The following VCAN variants were observed in gnomAD, a reference collection of about 807,000 sequenced individuals.
VCAN encodes versican, also known as versican core protein.
A neutral mutation model predicts 245.5 loss-of-function variants in VCAN; 44 were observed. That is an observed-to-expected ratio of 0.18 (90% CI 0.14 to 0.23). The LOEUF (loss-of-function observed/expected upper bound fraction) is 0.23. Among genes scored for constraint, VCAN ranks in the 10% least tolerant of loss-of-function variants. The probability of loss-of-function intolerance (pLI) is 1.00; values close to 1 mark genes in which losing one functional copy is unlikely to be tolerated. For synonymous variants in VCAN, 1,413 were observed against 1,437.0 expected, an observed-to-expected ratio of 0.98 and a Z score of 0.38; for missense variants, 3,793 against 4,057.9, an observed-to-expected ratio of 0.93 and a Z score of 1.77.
intron 12 of VCAN, among the ~76,000 whole-genome samples, chr5:83,558,215 T>C (rs1037073450): frequency 6.6e-6 from 1 of 152,178 alleles, no homozygotes; most frequent in Non-Finnish European, 1.5e-5. Flanking sequence ...GGGTTCCATA[T>C]GTGTGCAGGC....
Position 83,566,049 on chromosome 5 carries a change from C to T in VCAN, c.9736-6367C>T, listed in dbSNP as rs753111005. Among the ~76,000 whole-genome samples, 11 of 48,534 alleles carry T rather than the reference C, an allele frequency of 2.3e-4. 1 individual carries two copies. The highest frequency in any genetic ancestry group is 1.4e-3 in the South Asian group (2 of 1,408). The allele number at this position is 48,534 out of a possible 152,430, so 31.8% of individuals were successfully genotyped here. ...CGTGATCTTTGCTCACTGCAACCTC[C>T]GCCTCCCGGGTTAAGTGATTCTCCT... On this transcript the variant is annotated intron_variant, in intron 12 of 14. Coordinates refer to ENST00000265077, the MANE Select transcript of VCAN (RefSeq NM_004385.5).
At chr5:83,486,449 C>A (rs1301454336) in intron 2 of VCAN, among the ~76,000 whole-genome samples, 2 of 152,104 alleles carry the variant, frequency 1.3e-5, no homozygotes, top group Non-Finnish European at 1.5e-5. Context: ...GATGGTGAAG[C>A]CTAGGAGCTG....
At chr5:83,507,406 C>G (rs747284497) in intron 5 of VCAN, among the ~76,000 whole-genome samples, 4 of 152,204 alleles carry the variant, frequency 2.6e-5, no homozygotes, top group Non-Finnish European at 4.4e-5. Flanking sequence ...CATTCCCTGT[C>G]TAACTCTAAA....
intron 12 of VCAN, among the ~76,000 whole-genome samples, chr5:83,571,019 T>C (rs1748268129): frequency 2.0e-5 from 3 of 152,160 alleles, no homozygotes; most frequent in Admixed American, 2.0e-4. Flanking sequence ...AAGACAGTCA[T>C]ATTAGCCATT....
intron 1 of VCAN, among the ~76,000 whole-genome samples, chr5:83,481,916 C>A (rs1170359209): frequency 6.6e-6 from 1 of 152,138 alleles, no homozygotes; most frequent in Non-Finnish European, 1.5e-5. Context: ...CTAATTTCAG[C>A]ATTAGCTTGT....
At position 83,521,056 on chromosome 5, in the gene VCAN, A is replaced by C. The variant is rs746327283; in HGVS notation, c.2750A>C (p.Tyr917Ser). 34 of 1,614,004 alleles carry C rather than the reference A, an allele frequency of 2.1e-5. No individual in the cohort carries two copies. Among genetic ancestry groups the C allele is most frequent in the Non-Finnish European group, 2.8e-5 (33 of 1,179,992 alleles). The change falls in exon 7 of 15, where the codon TAT (tyrosine) becomes TCT (serine). Residue 917 changes from tyrosine (Y) to serine (S), a missense_variant. This residue lies in a region of VCAN where 3,182 missense variants were observed against 3,250.3 expected (regional missense o/e 0.98). Transcript: ENST00000265077. ...PPITSTEGQV[Y>S]ATMEGSALGE... Reference sequence around the variant, plus strand: ...ATCACAAGCACTGAAGGCCAAGTTTATGCAACCATGGAAGGAAGTGCTTTG... The same window carrying C: ...ATCACAAGCACTGAAGGCCAAGTTTCTGCAACCATGGAAGGAAGTGCTTTG...
intron 12 of VCAN, among the ~76,000 whole-genome samples, chr5:83,571,430 T>C (rs1176326114): frequency 1.3e-5 from 2 of 152,144 alleles, no homozygotes; most frequent in African/African-American, 4.8e-5. Flanking sequence ...GCTGCATTGT[T>C]GTAAGAGACA....
intron 12 of VCAN, among the ~76,000 whole-genome samples, chr5:83,563,676 C>A (rs760487243): frequency 6.6e-6 from 1 of 152,062 alleles, no homozygotes; most frequent in Non-Finnish European, 1.5e-5. Context: ...GTATCCAGTG[C>A]GTTTGGATTG....
chr5:83,493,139 C>A (rs1001337720), intron 3 of VCAN, among the ~76,000 whole-genome samples: 2 of 152,052 alleles, frequency 1.3e-5, no homozygotes, highest in African/African-American at 4.8e-5. Flanking sequence ...TTGGGTTGAC[C>A]CCGGATAAAG....
chr5:83,566,696 G>A (rs1748089891), intron 12 of VCAN, among the ~76,000 whole-genome samples: 1 of 152,140 alleles, frequency 6.6e-6, no homozygotes. Context: ...AAATCACTCT[G>A]AGATACATGG....
chr5:83,564,880 G>A (rs550099519), intron 12 of VCAN, among the ~76,000 whole-genome samples: 3 of 152,120 alleles, frequency 2.0e-5, no homozygotes, highest in Non-Finnish European at 4.4e-5. Flanking sequence ...TCAAAGGGAT[G>A]TGCTTGGCAA....
rs955680069 is a variant in VCAN at position 83,580,743 on chromosome 5, A to G, written c.*309A>G. 3 of 374,350 alleles carry G rather than the reference A, an allele frequency of 8.0e-6. No individual in the cohort carries two copies. The highest frequency in any genetic ancestry group is 1.5e-5 in the Non-Finnish European group (3 of 195,338). 23.2% of individuals were successfully genotyped at this position (374,350 alleles called of 1,614,324 possible). On this transcript the variant is annotated 3_prime_UTR_variant, in exon 15 of 15. Transcript: ENST00000265077. Reference sequence around the variant, plus strand: ...ATACCAGCCTACTGTACTATTTAAAATGCTCAATTTCAGCACCGATGGCCA... The same window carrying G: ...ATACCAGCCTACTGTACTATTTAAAGTGCTCAATTTCAGCACCGATGGCCA...
intron 5 of VCAN, among the ~76,000 whole-genome samples, chr5:83,505,930 A>G (rs1443023530): frequency 2.0e-5 from 3 of 152,114 alleles, no homozygotes; most frequent in Admixed American, 2.0e-4. Flanking sequence ...TGGGGCTTCC[A>G]CCCTCTGAAG....
At chr5:83,553,683 C>T (rs1444482871) in intron 11 of VCAN, among the ~76,000 whole-genome samples, 161 bp downstream of exon 11, 3 of 152,204 alleles carry the variant, frequency 2.0e-5, no homozygotes, top group Admixed American at 2.0e-4. Context: ...TATGTTAAGT[C>T]CCCCATTTGG....
intron 2 of VCAN, among the ~76,000 whole-genome samples, chr5:83,485,226 C>A (rs774455256): frequency 3.9e-5 from 6 of 152,028 alleles, no homozygotes; most frequent in Non-Finnish European, 8.8e-5. Flanking sequence ...AGTGTGTGCT[C>A]TTTACCACCA....
chr5:83,497,292 G>A (rs887131756), intron 5 of VCAN, among the ~76,000 whole-genome samples: 1 of 151,938 alleles, frequency 6.6e-6, no homozygotes, highest in African/African-American at 2.4e-5. Flanking sequence ...CTCCTTTCTT[G>A]TTTTATAATG....
intron 2 of VCAN, among the ~76,000 whole-genome samples, chr5:83,488,256 C>T (rs761461470): frequency 1.3e-5 from 2 of 152,022 alleles, no homozygotes; most frequent in Admixed American, 6.6e-5. Context: ...GTGAACCTTA[C>T]GGATTTATTA....
At chr5:83,514,950 A>G (rs896219738) in intron 6 of VCAN, among the ~76,000 whole-genome samples, 4 of 152,190 alleles carry the variant, frequency 2.6e-5, no homozygotes, top group Non-Finnish European at 5.9e-5. Flanking sequence ...TAGAAATATA[A>G]CCATATTTTT....
At chr5:83,476,239 G>T (rs1326227220) in intron 1 of VCAN, among the ~76,000 whole-genome samples, 1 of 152,188 alleles carries the variant, frequency 6.6e-6, no homozygotes, top group Non-Finnish European at 1.5e-5. Context: ...CCAAAGTCTG[G>T]CAACTAAGCC....
Sources: gnomAD v4.1 joint callset for allele counts (sites outside exome capture counted in the v4.1 genomes callset) on GRCh38, gnomAD v4.1.1 for gene constraint, gnomAD v4.1.1 regional missense constraint, MANE v1.5 for transcripts, NCBI Gene and HGNC (gene_info 2026-07-23, HGNC 2026-07-21) for gene names.